LAMA1: variants seen among roughly 807,000 people sequenced by gnomAD.
LAMA1 encodes the protein laminin subunit alpha 1, also known as laminin subunit alpha-1.
LAMA1 carries 219 observed loss-of-function variants against 348.7 expected under a neutral mutation model. The observed-to-expected ratio is 0.63, with a 90% CI of 0.56 to 0.70. LAMA1 has a LOEUF of 0.70. Ranked by LOEUF, LAMA1 falls within the 30% of genes least tolerant of loss-of-function variation. LAMA1 has a pLI of 0.00. For synonymous variants in LAMA1, 1,487 were observed against 1,491.0 expected, an observed-to-expected ratio of 1.00 and a Z score of 0.06; for missense variants, 3,744 against 3,888.0, an observed-to-expected ratio of 0.96 and a Z score of 0.99.
At chr18:7,031,700 T>TAAATAAATAAATAA (rs1555656304) in intron 16 of LAMA1, among the ~76,000 whole-genome samples, 2 of 151,724 alleles carry the variant, frequency 1.3e-5, no homozygotes, top group African/African-American at 4.8e-5. Context: ...AATAAATAAA[T>TAAATAAATAAATAA]ATTAGCACTG....
chr18:7,100,690 C>T (rs112120346), intron 1 of LAMA1, among the ~76,000 whole-genome samples: 95 of 152,110 alleles, frequency 6.2e-4, no homozygotes, highest in Middle Eastern at 3.4e-3. Flanking sequence ...ACCTAGAAAA[C>T]ACTAACCGAG....
intron 12 of LAMA1, among the ~76,000 whole-genome samples, 159 bp from the exon 13 acceptor site, chr18:7,036,247 G>A (rs1197543774): frequency 1.3e-5 from 2 of 152,240 alleles, no homozygotes; most frequent in Non-Finnish European, 2.9e-5. Context: ...GGCAGTGAAA[G>A]GGGAGTATAT....
chr18:7,098,648 A>C (rs1198795000), intron 1 of LAMA1, among the ~76,000 whole-genome samples: 7 of 132,700 alleles, frequency 5.3e-5, no homozygotes, highest in Admixed American at 1.5e-4. Flanking sequence ...AGCCTCTCCG[A>C]CCGGCAGCCA....
chr18:7,075,935 TA>T (rs34722026), intron 3 of LAMA1, among the ~76,000 whole-genome samples: 57,009 of 144,966 alleles, frequency 0.39, 11,056 homozygotes, highest in East Asian at 0.7. Flanking sequence ...AGGCTCCATT[TA>T]AAAAAAAAAA....
chr18:6,949,880 A>G (rs1344745318), intron 58 of LAMA1, among the ~76,000 whole-genome samples: 3 of 152,212 alleles, frequency 2.0e-5, no homozygotes, highest in African/African-American at 4.8e-5. Flanking sequence ...AACTCTAACC[A>G]GCCATTGTTT....
intron 1 of LAMA1, among the ~76,000 whole-genome samples, chr18:7,105,417 C>T (rs983813561): frequency 6.6e-5 from 10 of 151,256 alleles, no homozygotes; most frequent in South Asian, 2.1e-4. Context: ...CGAGCCTCGG[C>T]GACAGAGTGA....
intron 30 of LAMA1, among the ~76,000 whole-genome samples, chr18:7,000,492 G>A (rs545865821): frequency 1.3e-5 from 2 of 152,342 alleles, no homozygotes; most frequent in Admixed American, 1.3e-4. Flanking sequence ...GGCAGAACTG[G>A]AGAACGGATG....
At chr18:6,951,425 T>C (rs969057287) in intron 57 of LAMA1, among the ~76,000 whole-genome samples, 3 of 152,206 alleles carry the variant, frequency 2.0e-5, no homozygotes, top group African/African-American at 7.2e-5. Flanking sequence ...GAACCAGAGT[T>C]ACTGCAGGTG....
chr18:7,077,900 C>T (rs893603742), intron 3 of LAMA1, among the ~76,000 whole-genome samples: 8 of 151,242 alleles, frequency 5.3e-5, no homozygotes, highest in East Asian at 2.0e-4. Flanking sequence ...AAGCCGAGGC[C>T]GGTGGATCAC....
At position 7,035,981 on chromosome 18, in the gene LAMA1, A is replaced by T. The variant is rs760573270; in HGVS notation, c.1839+6T>A. 8.1e-6 allele frequency: 13 copies of T among 1,610,878 alleles called. No individual in the cohort carries two copies. Among genetic ancestry groups the T allele is most frequent in the Non-Finnish European group, 9.3e-6 (11 of 1,177,006 alleles). ...TCTATAGCAGAATCAAAGCAAAAACAATCACCTTAATGATGACGTCAGCAT... is the reference window on the plus strand; with the variant it reads ...TCTATAGCAGAATCAAAGCAAAAACTATCACCTTAATGATGACGTCAGCAT... On this transcript the variant is annotated splice_donor_region_variant and intron_variant, in intron 13 of 62. Coordinates refer to ENST00000389658, the MANE Select transcript of LAMA1 (RefSeq NM_005559.4).
rs375915290 is a variant in LAMA1, at chr18:6,974,983, G to A, written c.6543C>T (p.Asp2181=). Residue 2181 remains aspartate (D), a synonymous_variant, in exon 46 of 63, where the codon GAC becomes GAT. Coordinates refer to ENST00000389658, the MANE Select transcript of LAMA1 (RefSeq NM_005559.4). ...CCAAGCGTGTGGACCCGGAGCCCAG[G>A]TCCCACAGGAAGGCCACTCTCCCTC... The part of the protein sequence containing the change: ...MRRGRVAFLW[D]LGSGSTRLEF... 6.2e-7 allele frequency: 1 copy of A among 1,614,002 alleles called. No homozygotes were observed. Among genetic ancestry groups the A allele is most frequent in the Non-Finnish European group, 8.5e-7 (1 of 1,180,018 alleles).
chr18:7,098,675 A>G (rs1310001723), intron 1 of LAMA1, among the ~76,000 whole-genome samples: 1 of 148,930 alleles, frequency 6.7e-6, no homozygotes, highest in Non-Finnish European at 1.5e-5. Context: ...CTGGGAAGTG[A>G]GGAGCGTCTC....
chr18:7,047,763 G>A (rs2058047732), intron 5 of LAMA1, among the ~76,000 whole-genome samples: 1 of 151,872 alleles, frequency 6.6e-6, no homozygotes, highest in Admixed American at 6.6e-5. Context: ...TTTCAACAAC[G>A]GCCCCAAAAC....
intron 1 of LAMA1, among the ~76,000 whole-genome samples, chr18:7,114,929 C>A (rs949135351): frequency 6.6e-5 from 10 of 152,112 alleles, no homozygotes; most frequent in Admixed American, 3.9e-4. Context: ...TGTATTTATT[C>A]TAATATTCTT....
chr18:7,013,921 T>G lies in LAMA1; in HGVS notation c.3257A>C (p.Asp1086Ala). Residue 1086 changes from aspartate (D) to alanine (A), a missense_variant, in exon 23 of 63, where the codon GAC becomes GCC. Around this residue, in one of 3 missense-constraint regions of LAMA1, gnomAD observed 1,529 missense variants for 1,689.4 expected, o/e 0.91. Transcript: ENST00000389658. ...CAGGTCACAGTCACAGGGAACACAGTCGGGAAAGTCTCTGTAACCCAAGGA... is the reference window on the plus strand; with the variant it reads ...CAGGTCACAGTCACAGGGAACACAGGCGGGAAAGTCTCTGTAACCCAAGGA... ...QCSLGYRDFP[D>A]CVPCDCDLRG... is the part of the protein sequence containing the mutation. 6.2e-7 allele frequency: 1 copy of G among 1,613,678 alleles called. No homozygotes were observed.
At chr18:6,974,613 C>T (rs1057209662) in intron 46 of LAMA1, among the ~76,000 whole-genome samples, 9 of 151,896 alleles carry the variant, frequency 5.9e-5, no homozygotes, top group Admixed American at 1.3e-4. Flanking sequence ...CCCACCACCA[C>T]GCCCAGCTAA....
intron 19 of LAMA1, among the ~76,000 whole-genome samples, chr18:7,019,314 C>T (rs990319086): frequency 1.3e-5 from 2 of 152,230 alleles, no homozygotes; most frequent in Admixed American, 1.3e-4. Context: ...CGCCCTCTTC[C>T]TGTGGTATTT....
intron 3 of LAMA1, among the ~76,000 whole-genome samples, chr18:7,065,040 T>G (rs1016183861): frequency 6.6e-6 from 1 of 151,856 alleles, no homozygotes; most frequent in African/African-American, 2.4e-5. Context: ...AAGACCATCC[T>G]GGCTAACAGG....
intron 44 of LAMA1, among the ~76,000 whole-genome samples, 164 bp from the exon 45 acceptor site, chr18:6,976,244 A>C (rs908422366): frequency 6.6e-6 from 1 of 152,220 alleles, no homozygotes; most frequent in African/African-American, 2.4e-5. Context: ...TCAGATGGTA[A>C]CAAAAATGAT....
Sources: gnomAD v4.1 joint callset for allele counts (sites outside exome capture counted in the v4.1 genomes callset) on GRCh38, gnomAD v4.1.1 for gene constraint, gnomAD v4.1.1 regional missense constraint, MANE v1.5 for transcripts, NCBI Gene and HGNC (gene_info 2026-07-23, HGNC 2026-07-21) for gene names.